The following TALDO1 variants were observed in gnomAD, a reference collection of about 807,000 sequenced individuals.
TALDO1 encodes the protein transaldolase.
Under a neutral mutation model 38.1 loss-of-function variants are expected in TALDO1, and 29 were observed. The ratio of observed to expected loss-of-function variants is 0.76; its 90% CI spans 0.57 to 1.04. The LOEUF (loss-of-function observed/expected upper bound fraction) is 1.04. Among genes scored for constraint, TALDO1 ranks in the 50% least tolerant of loss-of-function variants. The probability of loss-of-function intolerance (pLI) is 0.00; values close to 1 mark genes in which losing one functional copy is unlikely to be tolerated. For synonymous variants in TALDO1, 207 were observed against 176.8 expected (o/e 1.17, Z -1.36); for missense variants, 499 against 438.1 (o/e 1.14, Z -1.24).
At chr11:757,758 TAGAG>T (rs1193680384) in intron 2 of TALDO1, among the ~76,000 whole-genome samples, 1 of 152,174 alleles carries the variant, frequency 6.6e-6, no homozygotes, top group Non-Finnish European at 1.5e-5. Flanking sequence ...TGCCAAAAGA[TAGAG>T]GGATGCAGTT....
intron 7 of TALDO1, 71 bp downstream of exon 7, chr11:764,504 A>G (rs1318016751): frequency 6.3e-7 from 1 of 1,575,262 alleles, no homozygotes; most frequent in Middle Eastern, 1.7e-4. Flanking sequence ...TCGGGGTTCA[A>G]GCTGGGCAGA....
At chr11:753,678 T>C (rs904965175) in intron 1 of TALDO1, among the ~76,000 whole-genome samples, 1 of 151,758 alleles carries the variant, frequency 6.6e-6, no homozygotes, top group African/African-American at 2.4e-5. Flanking sequence ...GAGCTGAGCT[T>C]GCGCCACTGC....
chr11:747,526 G>A lies in TALDO1; in HGVS notation c.45G>A (p.Leu15=). ...AGCGTCAGAGGATGGAGTCCGCGCT[G>A]GACCAGCTCAAGCAGTTCACCACCG... ...PVKRQRMESA[L]DQLKQFTTVV... The change falls in exon 1 of 8, where the codon CTG becomes CTA. Residue 15 remains leucine (L), a synonymous_variant. Coordinates refer to ENST00000319006, the MANE Select transcript of TALDO1 (RefSeq NM_006755.2). The A allele has an allele frequency of 6.2e-7, 1 of 1,600,196 alleles. No homozygotes were observed. The highest frequency in any genetic ancestry group is 8.5e-7 in the Non-Finnish European group (1 of 1,175,040).
chr11:762,909 GTTC>G (rs1439665134), intron 4 of TALDO1, among the ~76,000 whole-genome samples: 3 of 152,246 alleles, frequency 2.0e-5, no homozygotes, highest in African/African-American at 4.8e-5. Context: ...TGACTCAGTG[GTTC>G]TAGCCTGGGA....
intron 5 of TALDO1, 92 bp downstream of exon 5, chr11:763,611 AG>A (rs1321465806): frequency 5.3e-5 from 84 of 1,583,564 alleles, no homozygotes; most frequent in Non-Finnish European, 7.0e-5. Context: ...CGCATCAACA[AG>A]CAGTGAGGTG....
intron 2 of TALDO1, among the ~76,000 whole-genome samples, chr11:758,244 C>CT (rs1192719454): frequency 6.6e-6 from 1 of 152,090 alleles, no homozygotes; most frequent in African/African-American, 2.4e-5. Context: ...GATTGTGCCA[C>CT]TGCACTCCAG....
rs1564994672 is a variant in TALDO1 at position 763,904 on chromosome 11, G to A, written c.795G>A (p.Gln265=). The A allele has an allele frequency of 6.2e-7, 1 of 1,612,648 alleles. No individual in the cohort carries two copies. Among genetic ancestry groups the A allele is most frequent in the Non-Finnish European group, 8.5e-7 (1 of 1,179,986 alleles). ...CCAAGCTCCTGGGAGAGCTGCTGCAGGACAACGCCAAGCTGGTGCCTGTGC... is the reference window on the plus strand; with the variant it reads ...CCAAGCTCCTGGGAGAGCTGCTGCAAGACAACGCCAAGCTGGTGCCTGTGC... ...ISPKLLGELL[Q]DNAKLVPVLS... is the part of the protein sequence containing the mutation. The change falls in exon 6 of 8, where the codon CAG becomes CAA. Residue 265 remains glutamine, a synonymous_variant. Coordinates refer to ENST00000319006, the MANE Select transcript of TALDO1 (RefSeq NM_006755.2).
At chr11:748,809 C>T (rs564446562) in intron 1 of TALDO1, among the ~76,000 whole-genome samples, 2 of 152,230 alleles carry the variant, frequency 1.3e-5, no homozygotes, top group African/African-American at 4.8e-5. Flanking sequence ...ACACAGCCCC[C>T]CCGTTGTAGT....
Position 747,465 on chromosome 11 carries a change from G to A in TALDO1, c.-17G>A. On this transcript the variant is annotated 5_prime_UTR_variant, in exon 1 of 8. Coordinates refer to ENST00000319006, the MANE Select transcript of TALDO1 (RefSeq NM_006755.2). ...TCCCGTCGCCGCCGCCGCCGCCGCA[G>A]ACCCCTCGGTCTTGCTATGTCGAGC... The A allele has an allele frequency of 1.3e-6, 2 of 1,561,298 alleles. No homozygotes were observed. Among genetic ancestry groups the A allele is most frequent in the South Asian group, 1.2e-5 (1 of 84,812 alleles).
At chr11:749,080 G>A (rs1001537847) in intron 1 of TALDO1, among the ~76,000 whole-genome samples, 23 of 152,086 alleles carry the variant, frequency 1.5e-4, no homozygotes, top group Admixed American at 1.2e-3. Context: ...GGGGAGTCCT[G>A]GGTTTCTGGT....
chr11:764,572 T>C (rs1237732792), intron 7 of TALDO1, 139 bp downstream of exon 7: 1 of 1,432,886 alleles, frequency 7.0e-7, no homozygotes, highest in Non-Finnish European at 9.6e-7. Flanking sequence ...AAGTGGGGCC[T>C]GTTGAGGCCA....
chr11:756,331 G>C (rs1862837634), intron 2 of TALDO1: 1 of 308,442 alleles, frequency 3.2e-6, no homozygotes, highest in Admixed American at 4.6e-5. Context: ...CTTACCTTCT[G>C]GCTGTCATTT....
chr11:760,865 T>C (rs1862914825), intron 4 of TALDO1: 1 of 154,582 alleles, frequency 6.5e-6, no homozygotes, highest in Non-Finnish European at 1.4e-5. Flanking sequence ...AAACCCCGAC[T>C]CCACTAAAAA....
intron 3 of TALDO1, among the ~76,000 whole-genome samples, chr11:759,288 G>A (rs1035441310): frequency 2.0e-5 from 3 of 152,124 alleles, no homozygotes; most frequent in African/African-American, 7.2e-5. Flanking sequence ...TTGAGATGGA[G>A]TCTCGCACTG....
rs1176293576 is a variant in TALDO1, at chr11:749,213, A to G, written c.97+1635A>G. On this transcript the variant is annotated intron_variant, in intron 1 of 7. Coordinates refer to ENST00000319006, the MANE Select transcript of TALDO1 (RefSeq NM_006755.2). Reference sequence around the variant, plus strand: ...AGGTCAGGAGTTCGAGACCAGCCTGACCAACATGGTGAAACCCCGTCTCTA... The same window carrying G: ...AGGTCAGGAGTTCGAGACCAGCCTGGCCAACATGGTGAAACCCCGTCTCTA... 2.0e-4 allele frequency among the ~76,000 whole-genome samples: 30 copies of G among 151,820 alleles called. No individual in the cohort carries two copies. The East Asian group carries it at 5.8e-3, about 30-fold the overall frequency.
chr11:763,603 C>T, intron 5 of TALDO1, 84 bp downstream of exon 5: 6 of 1,588,456 alleles, frequency 3.8e-6, no homozygotes, highest in Non-Finnish European at 5.2e-6. Context: ...GGAGCTGCCG[C>T]ATCAACAAGC....
intron 2 of TALDO1, among the ~76,000 whole-genome samples, chr11:757,171 G>A (rs1287122790): frequency 6.6e-6 from 1 of 151,976 alleles, no homozygotes; most frequent in Non-Finnish European, 1.5e-5. Context: ...ATCTCGTGGT[G>A]TTGCACCCCT....
At chr11:763,190 CCCCGCCCTCACCTG>C (rs1480691887) in intron 4 of TALDO1, among the ~76,000 whole-genome samples, 140 bp from the exon 5 acceptor site, 2 of 114,974 alleles carry the variant, frequency 1.7e-5, no homozygotes, top group East Asian at 2.5e-4. Flanking sequence ...CATTCACCTG[CCCCGCCCTCACCTG>C]CCCCGCCCTC....
At chr11:760,029 C>G in intron 3 of TALDO1, 93 bp from the exon 4 acceptor site, 1 of 1,583,762 alleles carries the variant, frequency 6.3e-7, no homozygotes. Flanking sequence ...TGGTGCTGCT[C>G]AAAACTGACA....
Sources: gnomAD v4.1 joint callset for allele counts (sites outside exome capture counted in the v4.1 genomes callset) on GRCh38, gnomAD v4.1.1 for gene constraint, MANE v1.5 for transcripts, NCBI Gene and HGNC (gene_info 2026-07-23, HGNC 2026-07-21) for gene names.